The following RIN2 variants were observed in gnomAD, a reference collection of about 807,000 sequenced individuals.
RIN2 encodes RAB5 interacting protein 2.
Under a neutral mutation model 78.0 loss-of-function variants are expected in RIN2, and 36 were observed. The observed-to-expected ratio is 0.46, with a 90% CI of 0.35 to 0.61. The LOEUF (loss-of-function observed/expected upper bound fraction) is 0.61, where lower values mean the gene tolerates loss of function less well. RIN2 is among the 20% of genes least tolerant of loss of function. The probability of loss-of-function intolerance (pLI) is 0.00; values close to 1 mark genes in which losing one functional copy is unlikely to be tolerated. For missense variants in RIN2, 1,087 were observed against 1,159.7 expected, an observed-to-expected ratio of 0.94 and a Z score of 0.91; for synonymous variants, 466 against 466.8, an observed-to-expected ratio of 1.00 and a Z score of 0.02.
chr20:19,872,461 G>T (rs1387695010), intron 2 of RIN2, among the ~76,000 whole-genome samples: 1 of 152,134 alleles, frequency 6.6e-6, no homozygotes. Context: ...ATGTGCGATT[G>T]TACCTCGCTC....
chr20:19,934,370 T>C (rs2040552264), intron 3 of RIN2: 10 of 544,528 alleles, frequency 1.8e-5, no homozygotes, highest in Non-Finnish European at 2.3e-5. Context: ...AAAGACTCTG[T>C]TGAATGAGTG....
intron 3 of RIN2, among the ~76,000 whole-genome samples, chr20:19,921,902 G>C (rs931751416): frequency 3.9e-5 from 6 of 152,076 alleles, no homozygotes; most frequent in Non-Finnish European, 7.4e-5. Context: ...GTCTCTCTCT[G>C]TCACCCAGGC....
chr20:19,870,887 G>A (rs1173940492), intron 2 of RIN2, among the ~76,000 whole-genome samples: 1 of 152,164 alleles, frequency 6.6e-6, no homozygotes, highest in African/African-American at 2.4e-5. Flanking sequence ...GCCTTCGTTT[G>A]GGATGCTGAC....
At chr20:19,854,527 C>T (rs2123218914) in intron 2 of RIN2, among the ~76,000 whole-genome samples, 1 of 152,262 alleles carries the variant, frequency 6.6e-6, no homozygotes, top group East Asian at 1.9e-4. Flanking sequence ...GAATGTTCTT[C>T]CATTTGTTTG....
At chr20:19,930,017 G>A (rs889030781) in intron 3 of RIN2, among the ~76,000 whole-genome samples, 1 of 148,994 alleles carries the variant, frequency 6.7e-6, no homozygotes, top group Non-Finnish European at 1.5e-5. Context: ...GTCCATTTGT[G>A]AGATTAAATC....
At chr20:19,817,836 C>T (rs752226054) in intron 2 of RIN2, among the ~76,000 whole-genome samples, 57 of 152,338 alleles carry the variant, frequency 3.7e-4, no homozygotes, top group Admixed American at 6.5e-4. Context: ...AGCACTCCAT[C>T]ACTATTGAAT....
chr20:19,841,828 G>A (rs1027054620), intron 2 of RIN2, among the ~76,000 whole-genome samples: 2 of 152,234 alleles, frequency 1.3e-5, no homozygotes, highest in Non-Finnish European at 2.9e-5. Context: ...TGAGATTTAA[G>A]AAAAGAGGCC....
intron 3 of RIN2, among the ~76,000 whole-genome samples, chr20:19,928,665 G>A (rs2040324787): frequency 6.6e-6 from 1 of 152,174 alleles, no homozygotes; most frequent in African/African-American, 2.4e-5. Flanking sequence ...CCCTTGGCCA[G>A]GATGCCAGCT....
At chr20:19,847,823 T>C (rs2036835536) in intron 2 of RIN2, among the ~76,000 whole-genome samples, 1 of 152,222 alleles carries the variant, frequency 6.6e-6, no homozygotes. Context: ...TGAGTCGCAT[T>C]ATATTCTACT....
At chr20:19,892,920 A>G (rs974929780) in intron 3 of RIN2, among the ~76,000 whole-genome samples, 32 of 152,266 alleles carry the variant, frequency 2.1e-4, no homozygotes, top group African/African-American at 7.5e-4. Context: ...GCTTTATTTC[A>G]GTTCTCACCT....
At chr20:19,965,221 G>A (rs1106817) in intron 7 of RIN2, among the ~76,000 whole-genome samples, 197 bp downstream of exon 7, 4 of 152,072 alleles carry the variant, frequency 2.6e-5, no homozygotes, top group African/African-American at 9.7e-5. Flanking sequence ...AGGTCAAAAC[G>A]ACTATCCCAA....
intron 3 of RIN2, among the ~76,000 whole-genome samples, chr20:19,896,263 G>A (rs371835296): frequency 2.0e-3 from 298 of 151,838 alleles, no homozygotes; most frequent in African/African-American, 6.6e-3. Flanking sequence ...ATCTTGGCTC[G>A]CGGCAGCCTC....
In RIN2 at chr20:19,975,190, G is replaced by C. The variant is rs2042236447; in HGVS notation, c.1165G>C (p.Glu389Gln). 6.2e-7 allele frequency: 1 copy of C among 1,606,610 alleles called. No individual in the cohort carries two copies. Among genetic ancestry groups the C allele is most frequent in the African/African-American group, 1.3e-5 (1 of 74,746 alleles). Residue 389 changes from glutamate (E) to glutamine (Q), a missense_variant, in exon 9 of 13, where the codon GAG becomes CAG. Glu to Gln is a conservative substitution (Grantham distance 29). Transcript: ENST00000255006. This position sits in a 1 kb window ranked among gnomAD's most constrained non-coding sequence, Gnocchi z 4.9. The stretch of plus-strand genomic sequence containing the variant: ...CCGGCCGGGCGCAGGCCCGGAGCTG[G>C]AGCTGGGCACAGCTGGCAGCCCAGG... ...GGRPGAGPEL[E>Q]LGTAGSPGGA...
chr20:19,991,183 T>C (rs1568717232), intron 10 of RIN2, among the ~76,000 whole-genome samples: 4 of 152,176 alleles, frequency 2.6e-5, no homozygotes, highest in Non-Finnish European at 1.5e-5. Context: ...ACTTTGGGAA[T>C]TGTTGAGTGA....
intron 4 of RIN2, among the ~76,000 whole-genome samples, chr20:19,950,716 T>C (rs1423529940): frequency 6.6e-6 from 1 of 151,996 alleles, no homozygotes; most frequent in Non-Finnish European, 1.5e-5. Flanking sequence ...CCATTTTATT[T>C]TATTTTATTT....
chr20:19,779,763 G>A (rs952886852), intron 1 of RIN2, among the ~76,000 whole-genome samples: 2 of 152,140 alleles, frequency 1.3e-5, no homozygotes, highest in African/African-American at 4.8e-5. Context: ...TCATGCCATG[G>A]CTTTCAAAAG....
intron 3 of RIN2, among the ~76,000 whole-genome samples, chr20:19,899,955 C>A (rs1027906274): frequency 1.3e-5 from 2 of 152,146 alleles, no homozygotes; most frequent in South Asian, 4.1e-4. Context: ...CAGTCACAAA[C>A]TCAACAACCT....
At chr20:19,873,204 A>G (rs1297476206) in intron 2 of RIN2, among the ~76,000 whole-genome samples, 2 of 151,888 alleles carry the variant, frequency 1.3e-5, no homozygotes, top group African/African-American at 4.8e-5. Context: ...GGCTCACTGC[A>G]GCCTTGATCT....
intron 2 of RIN2, among the ~76,000 whole-genome samples, chr20:19,848,440 G>A (rs2036852875): frequency 6.6e-6 from 1 of 151,334 alleles, no homozygotes; most frequent in South Asian, 2.1e-4. Context: ...GGAGGCTGAG[G>A]CAGGAGAATC....
Sources: allele counts gnomAD v4.1 joint callset (sites outside exome capture counted in the v4.1 genomes callset), GRCh38; gene constraint gnomAD v4.1.1; non-coding constraint Gnocchi (gnomAD v3.1); transcripts MANE v1.5; gene names NCBI Gene and HGNC (gene_info 2026-07-23, HGNC 2026-07-21).